Variants in ATP11C observed in about 807,000 individuals in gnomAD.
The protein encoded by ATP11C is ATPase phospholipid transporting 11C (ATP11C blood group).
A neutral mutation model predicts 97.4 loss-of-function variants in ATP11C; 36 were observed. The observed-to-expected ratio is 0.37, with a 90% confidence interval of 0.28 to 0.49. The LOEUF (loss-of-function observed/expected upper bound fraction) is 0.49, where lower values mean the gene tolerates loss of function less well. Among genes scored for constraint, ATP11C ranks in the 20% least tolerant of loss-of-function variants. ATP11C has a pLI of 0.98. For synonymous variants in ATP11C, 275 were observed against 290.9 expected, an observed-to-expected ratio of 0.95 and a Z score of 0.56; for missense variants, 730 against 824.6, an observed-to-expected ratio of 0.89 and a Z score of 1.40.
chrX:139,765,804 T>A (rs1002833402), intron 20 of ATP11C, among the ~76,000 whole-genome samples: 1 of 111,622 alleles, frequency 9.0e-6, no homozygotes, highest in Non-Finnish European at 1.9e-5. Flanking sequence ...AGAGAGAAGT[T>A]AGGTGGCTAG....
At chrX:139,807,464 C>T (rs1603379074) in intron 5 of ATP11C, among the ~76,000 whole-genome samples, 1 of 111,466 alleles carries the variant, frequency 9.0e-6, no homozygotes, top group African/African-American at 3.3e-5. Context: ...CATTTCAGAA[C>T]ACATATACCA....
intron 29 of ATP11C, among the ~76,000 whole-genome samples, chrX:139,731,143 A>G (rs1354981085): frequency 8.9e-6 from 1 of 111,796 alleles, no homozygotes; most frequent in Admixed American, 9.5e-5. Context: ...TTACAAGGAC[A>G]TAAGTGTATA....
intron 20 of ATP11C, among the ~76,000 whole-genome samples, chrX:139,765,991 T>C (rs1266534945): frequency 8.9e-6 from 1 of 112,145 alleles, no homozygotes; most frequent in Non-Finnish European, 1.9e-5. Context: ...GTTTTGAATC[T>C]AGAAATCTGG....
chrX:139,822,252 G>A (rs915711676), intron 2 of ATP11C, among the ~76,000 whole-genome samples: 2 of 112,098 alleles, frequency 1.8e-5, no homozygotes, highest in Non-Finnish European at 1.9e-5. Flanking sequence ...GCTGGAGTGC[G>A]GTAGCGCGTT....
chrX:139,754,161 A>G (rs2081882986), intron 23 of ATP11C, among the ~76,000 whole-genome samples: 1 of 111,968 alleles, frequency 8.9e-6, no homozygotes, highest in Admixed American at 9.5e-5. Flanking sequence ...CAGATACAAC[A>G]GAAATACAAA....
Position 139,816,959 on chromosome X carries a change from T to C in ATP11C, c.238-16A>G. On this transcript the variant is annotated splice_polypyrimidine_tract_variant and intron_variant, in intron 3 of 29. Transcript: ENST00000682941. ...CTACTGTGACCTAGGTAAATAAAATTAAATTGAAAGTAAAATGAAAATTTG... is the reference window on the plus strand; with the variant it reads ...CTACTGTGACCTAGGTAAATAAAATCAAATTGAAAGTAAAATGAAAATTTG... The C allele has an allele frequency of 2.7e-6, 3 of 1,111,584 alleles. No homozygotes were observed. Among genetic ancestry groups the C allele is most frequent in the Non-Finnish European group, 3.7e-6 (3 of 817,461 alleles). The allele number at this position is 1,111,584 out of a possible 1,213,427, so 91.6% of individuals were successfully genotyped here.
upstream of ATP11C, among the ~76,000 whole-genome samples, chrX:139,935,624 T>C (rs1486160622): frequency 2.7e-5 from 3 of 111,697 alleles, no homozygotes; most frequent in Non-Finnish European, 5.6e-5. Context: ...GTTATAATTC[T>C]GCTATTTATT....
chrX:139,825,151 G>A (rs1312773608), intron 2 of ATP11C, among the ~76,000 whole-genome samples: 1 of 110,954 alleles, frequency 9.0e-6, no homozygotes, highest in African/African-American at 3.3e-5. Flanking sequence ...AGCAGCTACC[G>A]TTTGAGTTGT....
At chrX:139,773,580 A>G (rs1372508202) in intron 19 of ATP11C, among the ~76,000 whole-genome samples, 1 of 112,555 alleles carries the variant, frequency 8.9e-6, no homozygotes, top group Admixed American at 9.4e-5. Flanking sequence ...TAAAATGCAC[A>G]TACTTTGGAC....
At chrX:139,789,808 T>C (rs1180803030) in intron 12 of ATP11C, among the ~76,000 whole-genome samples, 2 of 111,141 alleles carry the variant, frequency 1.8e-5, no homozygotes, top group African/African-American at 3.3e-5. Flanking sequence ...GGCAGGAGGA[T>C]TGCTTGAGCT....
At chrX:139,907,341 A>C (rs1487288877) in intron 1 of ATP11C, among the ~76,000 whole-genome samples, 4 of 111,586 alleles carry the variant, frequency 3.6e-5, no homozygotes, top group African/African-American at 1.3e-4. Context: ...TCACCTTCCT[A>C]AAGAAGCTTC....
rs753961040 is a variant in ATP11C, at chrX:139,739,978, T to C, written c.3134+1013A>G. Among the ~76,000 whole-genome samples the C allele has an allele frequency of 7.1e-5, 8 of 112,217 alleles. No individual in the cohort carries two copies. The South Asian group carries it at 1.1e-3, about 15-fold the overall frequency. ...CTTCCTTAAATGATTAGGTTTCTCA[T>C]ATTTTTATTTCTTAAGGTTTTTATT... is the stretch of plus-strand genomic sequence containing the variant. On this transcript the variant is annotated intron_variant, in intron 27 of 29. Transcript: ENST00000682941.
At chrX:139,911,778 A>T (rs1445797594) in intron 1 of ATP11C, among the ~76,000 whole-genome samples, 2 of 111,314 alleles carry the variant, frequency 1.8e-5, no homozygotes, top group East Asian at 5.6e-4. Flanking sequence ...GAACAACCCA[A>T]AGGCCCATCG....
intron 12 of ATP11C, among the ~76,000 whole-genome samples, chrX:139,794,834 G>T (rs974330848): frequency 8.9e-6 from 1 of 111,756 alleles, no homozygotes; most frequent in Non-Finnish European, 1.9e-5. Flanking sequence ...TATTCTATTT[G>T]TAATAGTAGT....
chrX:139,880,055 A>G (rs1042868776), intron 1 of ATP11C, among the ~76,000 whole-genome samples: 1 of 110,915 alleles, frequency 9.0e-6, no homozygotes, highest in Non-Finnish European at 1.9e-5. Context: ...TTTTACAATA[A>G]AAAAGCTAAA....
At chrX:139,909,080 G>A (rs2085027843) in intron 1 of ATP11C, among the ~76,000 whole-genome samples, 1 of 111,730 alleles carries the variant, frequency 9.0e-6, no homozygotes, top group Non-Finnish European at 1.9e-5. Context: ...CAATCTGGGG[G>A]TACTCAGTGA....
intron 1 of ATP11C, among the ~76,000 whole-genome samples, chrX:139,912,912 T>A (rs1417095872): frequency 8.9e-6 from 1 of 112,068 alleles, no homozygotes; most frequent in Non-Finnish European, 1.9e-5. Context: ...ATTATGACTT[T>A]TAAAATAGAC....
intron 1 of ATP11C, among the ~76,000 whole-genome samples, chrX:139,836,284 G>A (rs1317684226): frequency 9.0e-6 from 1 of 110,889 alleles, no homozygotes; most frequent in Admixed American, 9.6e-5. Flanking sequence ...GGGAGGCCGA[G>A]GTGGGCAGAT....
chrX:139,734,629 T>C (rs1350323567), intron 28 of ATP11C, among the ~76,000 whole-genome samples: 3 of 111,702 alleles, frequency 2.7e-5, no homozygotes, highest in Non-Finnish European at 3.8e-5. Context: ...ACAAAAATCC[T>C]ATACTTGACC....
Sources: allele counts gnomAD v4.1 joint callset (sites outside exome capture counted in the v4.1 genomes callset), GRCh38; gene constraint gnomAD v4.1.1; transcripts MANE v1.5; gene names NCBI Gene and HGNC (gene_info 2026-07-23, HGNC 2026-07-21).